Variants in KMT2A observed in about 807,000 individuals in gnomAD.
KMT2A encodes the protein lysine methyltransferase 2A, also known as histone-lysine N-methyltransferase 2A.
KMT2A carries 16 observed loss-of-function variants against 345.3 expected under a neutral mutation model. The observed-to-expected ratio is 0.05, with a 90% CI of 0.03 to 0.07. The LOEUF (loss-of-function observed/expected upper bound fraction) is 0.07. Ranked by LOEUF, KMT2A falls within the 10% of genes least tolerant of loss-of-function variation. KMT2A has a pLI of 1.00. For synonymous variants in KMT2A, 1,599 were observed against 1,778.6 expected (o/e 0.90, Z 2.54); for missense variants, 3,272 against 4,841.6 (o/e 0.68, Z 9.62).
rs1555042994 is a variant in KMT2A, at chr11:118,493,077, A to G, written c.5025A>G (p.Leu1675=). ...AATAGGCTGCCAAGCCTCCAGACTT[A>G]AATCCCGAGACAGAGGAGAGTATAC... The part of the protein sequence containing the change: ...RYRQAAKPPD[L]NPETEESIPS... The change falls in exon 16 of 36, where the codon TTA becomes TTG. Residue 1675 remains leucine (L), a synonymous_variant. Coordinates refer to ENST00000534358, the MANE Select transcript of KMT2A (RefSeq NM_001197104.2). The surrounding 1 kb of genome is among the most constrained non-coding windows in gnomAD (Gnocchi z 5.8). 1.2e-6 allele frequency: 2 copies of G among 1,613,652 alleles called. No individual in the cohort carries two copies. The highest frequency in any genetic ancestry group is 1.7e-5 in the Admixed American group (1 of 59,984).
In KMT2A at chr11:118,501,860, A is replaced by G. The variant is rs1950506252; in HGVS notation, c.6505+3A>G. 1 of 1,609,368 alleles carries G rather than the reference A, an allele frequency of 6.2e-7. No individual in the cohort carries two copies. The highest frequency in any genetic ancestry group is 8.5e-7 in the Non-Finnish European group (1 of 1,178,064). On this transcript the variant is annotated splice_donor_region_variant and intron_variant, in intron 26 of 35. Coordinates refer to ENST00000534358, the MANE Select transcript of KMT2A (RefSeq NM_001197104.2). ...CTGTCGACCGTTGCCTTCTGCAGGTAAAAGACTTTATTGACCTACTTGACC... is the reference window on the plus strand; with the variant it reads ...CTGTCGACCGTTGCCTTCTGCAGGTGAAAGACTTTATTGACCTACTTGACC...
Position 118,523,407 on chromosome 11 carries a change from T to G in KMT2A, c.*1235T>G. Reference sequence around the variant, plus strand: ...GCGTGCAACCCACAGCTAAAGTAAATTCAATGACACTACTGCCCTGATTAC... The same window carrying G: ...GCGTGCAACCCACAGCTAAAGTAAAGTCAATGACACTACTGCCCTGATTAC... On this transcript the variant is annotated 3_prime_UTR_variant, in exon 36 of 36. Coordinates refer to ENST00000534358, the MANE Select transcript of KMT2A (RefSeq NM_001197104.2). 4.4e-6 allele frequency: 1 copy of G among 229,060 alleles called. No individual in the cohort carries two copies. The allele number at this position is 229,060 out of a possible 1,614,324, so 14.2% of individuals were successfully genotyped here.
intron 31 of KMT2A, among the ~76,000 whole-genome samples, chr11:118,514,934 A>G (rs1169407543): frequency 6.6e-6 from 1 of 152,032 alleles, no homozygotes; most frequent in East Asian, 1.9e-4. Flanking sequence ...CGCCCGGCCT[A>G]ATTTTTGTAT....
At position 118,521,784 on chromosome 11, in the gene KMT2A, T is replaced by G; in HGVS notation, c.11644-113T>G. The G allele has an allele frequency of 8.8e-7, 1 of 1,139,950 alleles. No homozygotes were observed. Among genetic ancestry groups the G allele is most frequent in the Admixed American group, 2.5e-5 (1 of 39,678 alleles). The allele number at this position is 1,139,950 out of a possible 1,614,324, so 70.6% of individuals were successfully genotyped here. On this transcript the variant is annotated intron_variant, in intron 35 of 35. Coordinates refer to ENST00000534358, the MANE Select transcript of KMT2A (RefSeq NM_001197104.2). The surrounding 1 kb of genome is among the most constrained non-coding windows in gnomAD (Gnocchi z 5.3). ...ACTGGGAGAAATCTGGAAATTTTACTAGAAGAAACTTTCTCAGCCGCTATA... is the reference window on the plus strand; with the variant it reads ...ACTGGGAGAAATCTGGAAATTTTACGAGAAGAAACTTTCTCAGCCGCTATA...
intron 1 of KMT2A, among the ~76,000 whole-genome samples, chr11:118,457,257 C>CTTTTTTT (rs782636684): frequency 1.1e-5 from 1 of 89,072 alleles, no homozygotes; most frequent in Non-Finnish European, 2.1e-5. Flanking sequence ...CACCTCCTGC[C>CTTTTTTT]TTTTTTTTTT....
rs9332780 is a variant in KMT2A at position 118,475,852 on chromosome 11, G to T, written c.3157-953G>T. Among the ~76,000 whole-genome samples the T allele has an allele frequency of 3.2e-4, 49 of 152,366 alleles. No individual in the cohort carries two copies. In the South Asian group the frequency reaches 0.01, roughly 32 times the overall value. Reference sequence around the variant, plus strand: ...TTTTAACACCATGTTGGATGTTTTTGTGATAGGAGCAGCGGCTCTTTAAAA... The same window carrying T: ...TTTTAACACCATGTTGGATGTTTTTTTGATAGGAGCAGCGGCTCTTTAAAA... On this transcript the variant is annotated intron_variant, in intron 3 of 35. Coordinates refer to ENST00000534358, the MANE Select transcript of KMT2A (RefSeq NM_001197104.2).
rs1424835428 is a variant in KMT2A at position 118,525,793 on chromosome 11, G to T, written c.*3621G>T. ...TTTTTTTTTTAATAGAAATCAAGTT[G>T]TTTTTGTTTTTAAGGAAAAGCGGGT... On this transcript the variant is annotated 3_prime_UTR_variant, in exon 36 of 36. Coordinates refer to ENST00000534358, the MANE Select transcript of KMT2A (RefSeq NM_001197104.2). 4.5e-6 allele frequency: 1 copy of T among 223,238 alleles called. No homozygotes were observed. Among genetic ancestry groups the T allele is most frequent in the Admixed American group, 5.8e-5 (1 of 17,384 alleles). 13.8% of individuals were successfully genotyped at this position (223,238 alleles called of 1,614,324 possible). A position where few individuals can be genotyped will look rare whatever the true frequency, so the allele number is the denominator to read the frequency against.
In KMT2A at chr11:118,496,376, T is replaced by C. The variant is rs1555043963; in HGVS notation, c.5664+9T>C. On this transcript the variant is annotated intron_variant, in intron 20 of 35. Coordinates refer to ENST00000534358, the MANE Select transcript of KMT2A (RefSeq NM_001197104.2). This position sits in a 1 kb window ranked among gnomAD's most constrained non-coding sequence, Gnocchi z 4.7. ...GTGATGACAGTGCTAATGTAAGTACTTTGCAACACAGGGCCCTAGTTAATA... is the reference window on the plus strand; with the variant it reads ...GTGATGACAGTGCTAATGTAAGTACCTTGCAACACAGGGCCCTAGTTAATA... 7 of 1,590,786 alleles carry C rather than the reference T, an allele frequency of 4.4e-6. No individual in the cohort carries two copies. In the South Asian group the frequency reaches 7.7e-5, roughly 18 times the overall value.
At chr11:118,515,081 A>T (rs1474818240) in intron 31 of KMT2A, among the ~76,000 whole-genome samples, 1 of 152,226 alleles carries the variant, frequency 6.6e-6, no homozygotes, top group Non-Finnish European at 1.5e-5. Flanking sequence ...CATGTGTCTT[A>T]AAGTGTAGCC....
intron 7 of KMT2A, 70 bp from the exon 8 acceptor site, chr11:118,482,352 C>G (rs1555039594): frequency 6.8e-6 from 6 of 888,200 alleles, no homozygotes; most frequent in Non-Finnish European, 1.0e-5. Flanking sequence ...ATGGCCCTTT[C>G]TTCACAGGTC....
intron 1 of KMT2A, among the ~76,000 whole-genome samples, chr11:118,466,785 C>A (rs1949851975): frequency 1.3e-5 from 2 of 151,864 alleles, no homozygotes; most frequent in Non-Finnish European, 2.9e-5. Context: ...GGCGACAGAG[C>A]AAGACTCTGC....
In KMT2A at chr11:118,503,683, G is replaced by A. The variant is rs1555046823; in HGVS notation, c.7791G>A (p.Gln2597=). The stretch of plus-strand genomic sequence containing the variant: ...ACAACTATCAGAATCTTCCAGTACA[G>A]GACAGAAACCTAATGCTTCCAGATG... ...QSNNYQNLPV[Q]DRNLMLPDGP... Residue 2597 remains glutamine (Q), a synonymous_variant, in exon 27 of 36, where the codon CAG becomes CAA. Coordinates refer to ENST00000534358, the MANE Select transcript of KMT2A (RefSeq NM_001197104.2). This position sits in a 1 kb window ranked among gnomAD's most constrained non-coding sequence, Gnocchi z 5.3. 2.5e-6 allele frequency: 4 copies of A among 1,614,076 alleles called. No individual in the cohort carries two copies. The highest frequency in any genetic ancestry group is 1.3e-5 in the African/African-American group (1 of 74,914).
rs1555052824 is a variant in KMT2A at position 118,519,668 on chromosome 11, C to G, written c.11197C>G (p.Leu3733Val). ...GATTCTCCATGATGCAGTTGTGTTC[C>G]TCATTGAGCAGCTGTCTGGTGCCAA... ...LGILHDAVVF[L>V]IEQLSGAKHC... The change falls in exon 32 of 36, where the codon CTC (leucine) becomes GTC (valine). Residue 3733 changes from leucine (L) to valine (V), a missense_variant. Transcript: ENST00000534358. 5 of 1,614,100 alleles carry G rather than the reference C, an allele frequency of 3.1e-6. No homozygotes were observed. Among genetic ancestry groups the G allele is most frequent in the Non-Finnish European group, 4.2e-6 (5 of 1,179,996 alleles).
Position 118,480,274 on chromosome 11 carries a change from C to T in KMT2A, c.3634+36C>T, listed in dbSNP as rs542928942. ...TAAAAAGGTCTTCCCCCAAATGCTCCTTGCTTAAATGGTGTATAGTTGTAT... is the reference window on the plus strand; with the variant it reads ...TAAAAAGGTCTTCCCCCAAATGCTCTTTGCTTAAATGGTGTATAGTTGTAT... On this transcript the variant is annotated intron_variant, in intron 6 of 35. Coordinates refer to ENST00000534358, the MANE Select transcript of KMT2A (RefSeq NM_001197104.2). The T allele has an allele frequency of 7.7e-6, 12 of 1,552,298 alleles. No homozygotes were observed. In the African/African-American group the frequency reaches 1.6e-4, roughly 21 times the overall value.
chr11:118,471,934 A>G lies in KMT2A; in HGVS notation c.775A>G (p.Thr259Ala). Residue 259 changes from threonine (T) to alanine (A), a missense_variant, in exon 3 of 36, where the codon ACA (threonine) becomes GCA (alanine). This residue lies in a region of KMT2A where 412 missense variants were observed against 511.0 expected (regional missense o/e 0.81). Coordinates refer to ENST00000534358, the MANE Select transcript of KMT2A (RefSeq NM_001197104.2). The stretch of plus-strand genomic sequence containing the variant: ...AGATAGCCTGAAAAAAATTAAAAGG[A>G]CACCTTCTGCTACGTTTCAGCAAGC... ...KEDSLKKIKR[T>A]PSATFQQATK... is the part of the protein sequence containing the mutation. The G allele has an allele frequency of 6.2e-7, 1 of 1,614,148 alleles. No homozygotes were observed. The highest frequency in any genetic ancestry group is 8.5e-7 in the Non-Finnish European group (1 of 1,180,032).
At position 118,520,691 on chromosome 11, in the gene KMT2A, C is replaced by G; in HGVS notation, c.11430-111C>G. The G allele has an allele frequency of 1.3e-6, 1 of 753,454 alleles. No homozygotes were observed. 46.7% of individuals were successfully genotyped at this position (753,454 alleles called of 1,614,324 possible). ...GCGCTCATTTTATAAGGCACTCGTT[C>G]AGTTTGGCATTAAACAAAGAGTGTA... On this transcript the variant is annotated intron_variant, in intron 33 of 35. Transcript: ENST00000534358. The surrounding 1 kb of genome is among the most constrained non-coding windows in gnomAD (Gnocchi z 4.3).
chr11:118,453,875 A>G (rs150598681), intron 1 of KMT2A, among the ~76,000 whole-genome samples: 175 of 152,294 alleles, frequency 1.1e-3, no homozygotes, highest in Admixed American at 3.6e-3. Context: ...AAAAGTCTTG[A>G]CTTTCTTCCT....
rs1591370959 is a variant in KMT2A at position 118,468,678 on chromosome 11, T to C, written c.433-97T>C. 10 of 911,878 alleles carry C rather than the reference T, an allele frequency of 1.1e-5. No homozygotes were observed. The East Asian group carries it at 2.0e-4, about 18-fold the overall frequency. The allele number at this position is 911,878 out of a possible 1,614,324, so 56.5% of individuals were successfully genotyped here. On this transcript the variant is annotated intron_variant, in intron 1 of 35. Coordinates refer to ENST00000534358, the MANE Select transcript of KMT2A (RefSeq NM_001197104.2). ...GATAATTAATATATAAAGGCAACTT[T>C]TCCAAATTCATTTGTGTCTCCTCTG...
At chr11:118,511,209 T>C (rs1950681437) in intron 30 of KMT2A, among the ~76,000 whole-genome samples, 1 of 152,166 alleles carries the variant, frequency 6.6e-6, no homozygotes, top group East Asian at 1.9e-4. Flanking sequence ...AATGAGAGTA[T>C]TGCTAGAGTA....
Sources: allele counts gnomAD v4.1 joint callset (sites outside exome capture counted in the v4.1 genomes callset), GRCh38; gene constraint gnomAD v4.1.1; regional missense constraint gnomAD v4.1.1; non-coding constraint Gnocchi (gnomAD v3.1); transcripts MANE v1.5; gene names NCBI Gene and HGNC (gene_info 2026-07-23, HGNC 2026-07-21).